Variants in FHIT observed in about 807,000 individuals in gnomAD.
FHIT encodes bis(5'-adenosyl)-triphosphatase.
FHIT carries 19 observed loss-of-function variants against 17.9 expected under a neutral mutation model. The ratio of observed to expected loss-of-function variants is 1.06; its 90% CI spans 0.74 to 1.56. The LOEUF (loss-of-function observed/expected upper bound fraction) is 1.56, where lower values mean the gene tolerates loss of function less well. FHIT is among the 40% of genes most tolerant of loss of function. The pLI is 0.00. For synonymous variants in FHIT, 81 were observed against 69.7 expected (o/e 1.16, Z -0.81); for missense variants, 248 against 189.2 (o/e 1.31, Z -1.82).
chr3:60,294,307 G>C (rs1291857169), intron 5 of FHIT, among the ~76,000 whole-genome samples: 1 of 152,116 alleles, frequency 6.6e-6, no homozygotes, highest in Non-Finnish European at 1.5e-5. Context: ...AAATGCATTT[G>C]ATGCACTGAA....
chr3:60,966,577 G>C (rs537396569), intron 3 of FHIT, among the ~76,000 whole-genome samples: 1 of 152,288 alleles, frequency 6.6e-6, no homozygotes, highest in South Asian at 2.1e-4. Flanking sequence ...CTCCTCCCAT[G>C]ATGACTATAA....
intron 4 of FHIT, among the ~76,000 whole-genome samples, chr3:60,594,397 C>G (rs970377481): frequency 6.6e-6 from 1 of 152,120 alleles, no homozygotes; most frequent in African/African-American, 2.4e-5. Flanking sequence ...AGAAACCAGT[C>G]GAGGAAACCA....
rs374907724 is a variant in FHIT at position 60,578,153 on chromosome 3, T to G, written c.-17-41174A>C. On this transcript the variant is annotated intron_variant, in intron 4 of 9. Transcript: ENST00000492590. The stretch of plus-strand genomic sequence containing the variant: ...CTACAATCTTTTAAAAGTGCACACT[T>G]TAGTGCCCAGTGTGGTGGCTCACAC... Among the ~76,000 whole-genome samples, 11 of 152,150 alleles carry G rather than the reference T, an allele frequency of 7.2e-5. No individual in the cohort carries two copies. In the East Asian group the frequency reaches 1.9e-3, roughly 27 times the overall value.
intron 5 of FHIT, among the ~76,000 whole-genome samples, chr3:60,026,730 T>A (rs896752471): frequency 1.8e-4 from 28 of 152,162 alleles, no homozygotes; most frequent in African/African-American, 6.8e-4. Context: ...ATTTGCAAGT[T>A]TTTTTCACTC....
At chr3:60,928,471 C>T (rs955530620) in intron 3 of FHIT, among the ~76,000 whole-genome samples, 2 of 151,416 alleles carry the variant, frequency 1.3e-5, no homozygotes, top group Non-Finnish European at 2.9e-5. Context: ...ATCACTTGAG[C>T]CTGGGAGGCA....
At chr3:60,572,315 C>T (rs2037412087) in intron 4 of FHIT, among the ~76,000 whole-genome samples, 1 of 150,444 alleles carries the variant, frequency 6.6e-6, no homozygotes, top group African/African-American at 2.5e-5. Flanking sequence ...TTTGAATGTT[C>T]ATATATATAA....
chr3:60,408,542 A>G (rs990821404), intron 5 of FHIT, among the ~76,000 whole-genome samples: 1 of 152,172 alleles, frequency 6.6e-6, no homozygotes, highest in African/African-American at 2.4e-5. Context: ...GAAAAAGAAG[A>G]AAGGAAAAAG....
intron 1 of FHIT, among the ~76,000 whole-genome samples, chr3:61,220,779 G>A (rs979923697): frequency 6.6e-6 from 1 of 152,182 alleles, no homozygotes; most frequent in Non-Finnish European, 1.5e-5. Context: ...AATTATTAAG[G>A]AAAGGTTAGT....
intron 2 of FHIT, among the ~76,000 whole-genome samples, chr3:61,122,723 T>A (rs1205232356): frequency 6.6e-6 from 1 of 152,206 alleles, no homozygotes; most frequent in African/African-American, 2.4e-5. Context: ...AAAGAAGACA[T>A]TTATGTGGAC....
chr3:60,127,358 G>T (rs547360419), intron 5 of FHIT, among the ~76,000 whole-genome samples: 2 of 152,242 alleles, frequency 1.3e-5, no homozygotes, highest in South Asian at 4.1e-4. Flanking sequence ...ACAATTAAGT[G>T]ATAATCTTCA....
At chr3:60,357,813 TGGCC>T (rs1360816031) in intron 5 of FHIT, among the ~76,000 whole-genome samples, 1 of 77,240 alleles carries the variant, frequency 1.3e-5, no homozygotes, top group East Asian at 4.3e-4. Flanking sequence ...CTTAATCACA[TGGCC>T]ATCATAGTCT....
At chr3:59,865,304 A>G (rs1702595237) in intron 8 of FHIT, among the ~76,000 whole-genome samples, 1 of 152,266 alleles carries the variant, frequency 6.6e-6, no homozygotes, top group South Asian at 2.1e-4. Flanking sequence ...GAAAATGTTA[A>G]TAGTATTTAA....
At chr3:60,461,911 C>G (rs187523116) in intron 5 of FHIT, among the ~76,000 whole-genome samples, 198 of 152,274 alleles carry the variant, frequency 1.3e-3, no homozygotes, top group African/African-American at 4.5e-3. Flanking sequence ...CCCCCGCCCC[C>G]CTTTAAGCCA....
rs368989071 is a variant in FHIT, at chr3:59,813,609, AG to A, written c.349-61289del. Reference sequence around the variant, plus strand: ...CTTAAAGAATTAAGAATAAGCTGGGAGGGTTGTCAAGAATTTAACACGAGGC... The same window carrying A: ...CTTAAAGAATTAAGAATAAGCTGGGAGGTTGTCAAGAATTTAACACGAGGC... On this transcript the variant is annotated intron_variant, in intron 8 of 9. Transcript: ENST00000492590. 4.1e-4 allele frequency among the ~76,000 whole-genome samples: 63 copies of A among 152,292 alleles called. 1 individual carries two copies. In the South Asian group the frequency reaches 0.012, roughly 30 times the overall value.
At chr3:60,356,478 A>G (rs1400944904) in intron 5 of FHIT, among the ~76,000 whole-genome samples, 2 of 152,176 alleles carry the variant, frequency 1.3e-5, no homozygotes, top group Non-Finnish European at 2.9e-5. Flanking sequence ...TTCTTATATG[A>G]TAACCACAGT....
At chr3:60,255,949 C>G (rs1321219404) in intron 5 of FHIT, among the ~76,000 whole-genome samples, 1 of 152,130 alleles carries the variant, frequency 6.6e-6, no homozygotes, top group Non-Finnish European at 1.5e-5. Context: ...GGATCTCAGC[C>G]CCTAAGTGAA....
At chr3:60,657,535 G>C (rs1215075463) in intron 4 of FHIT, among the ~76,000 whole-genome samples, 2 of 152,170 alleles carry the variant, frequency 1.3e-5, no homozygotes, top group Non-Finnish European at 2.9e-5. Context: ...ATGATGGTAA[G>C]TCACTTATCC....
At chr3:59,863,549 C>T (rs1220296967) in intron 8 of FHIT, among the ~76,000 whole-genome samples, 1 of 152,166 alleles carries the variant, frequency 6.6e-6, no homozygotes, top group East Asian at 1.9e-4. Flanking sequence ...TGACCATAAA[C>T]CCAATGAAGC....
At chr3:60,494,994 G>A (rs2034235960) in intron 5 of FHIT, among the ~76,000 whole-genome samples, 1 of 152,110 alleles carries the variant, frequency 6.6e-6, no homozygotes, top group Non-Finnish European at 1.5e-5. Context: ...ATCCAACAGT[G>A]GGATGTCTGG....
Sources: gnomAD v4.1 joint callset for allele counts (sites outside exome capture counted in the v4.1 genomes callset) on GRCh38, gnomAD v4.1.1 for gene constraint, MANE v1.5 for transcripts, NCBI Gene and HGNC (gene_info 2026-07-23, HGNC 2026-07-21) for gene names.